Variants in CARD8 observed in about 807,000 individuals in gnomAD.
CARD8 encodes caspase recruitment domain-containing protein 8.
A neutral mutation model predicts 53.2 loss-of-function variants in CARD8; 38 were observed. That is an observed-to-expected ratio of 0.71 (90% CI 0.55 to 0.94). The LOEUF is 0.94. CARD8 is among the 40% of genes least tolerant of loss of function. The pLI is 0.00. For synonymous variants in CARD8, 245 were observed against 244.9 expected, an observed-to-expected ratio of 1.00 and a Z score of 0.00; for missense variants, 561 against 655.5, an observed-to-expected ratio of 0.86 and a Z score of 1.57.
intron 6 of CARD8, chr19:48,232,987 G>A (rs2043190261): frequency 8.4e-6 from 3 of 355,444 alleles, no homozygotes; most frequent in Admixed American, 3.9e-5. Context: ...TACGATGTCG[G>A]AATCAAAGAC....
At chr19:48,222,002 A>G in intron 10 of CARD8, 147 bp from the exon 11 acceptor site, 2 of 522,366 alleles carry the variant, frequency 3.8e-6, no homozygotes, top group Non-Finnish European at 6.5e-6. Context: ...TGATATAAAG[A>G]TTGTGATAGG....
intron 3 of CARD8, among the ~76,000 whole-genome samples, chr19:48,241,590 T>C (rs2045111479): frequency 6.6e-6 from 1 of 152,184 alleles, no homozygotes; most frequent in Non-Finnish European, 1.5e-5. Context: ...GATGTGGCCC[T>C]GGGTCTGCAA....
chr19:48,217,217 G>A (rs547182850), intron 12 of CARD8, among the ~76,000 whole-genome samples: 1 of 152,294 alleles, frequency 6.6e-6, no homozygotes, highest in East Asian at 1.9e-4. Flanking sequence ...GTGCAACCCG[G>A]TTTCTAACGG....
At chr19:48,255,662 A>G (rs1399795509) in intron 1 of CARD8, 130 bp downstream of exon 1, 1 of 152,206 alleles carries the variant, frequency 6.6e-6, no homozygotes, top group Non-Finnish European at 1.5e-5. Flanking sequence ...TGACACGCTC[A>G]TATGAACTTC....
intron 13 of CARD8, among the ~76,000 whole-genome samples, chr19:48,214,000 C>T (rs2038630815): frequency 6.6e-6 from 1 of 152,198 alleles, no homozygotes. Flanking sequence ...TAATTCACAG[C>T]CATATCAAAC....
chr19:48,213,797 C>T (rs2038576891), intron 13 of CARD8, among the ~76,000 whole-genome samples: 1 of 152,232 alleles, frequency 6.6e-6, no homozygotes, highest in Admixed American at 6.5e-5. Flanking sequence ...TTCCCCACTT[C>T]CTATTCATTC....
intron 10 of CARD8, among the ~76,000 whole-genome samples, chr19:48,225,170 G>C (rs764942635): frequency 2.0e-5 from 3 of 152,096 alleles, no homozygotes; most frequent in Non-Finnish European, 4.4e-5. Context: ...ACAACAGAGG[G>C]AAAGAAGAGG....
At chr19:48,252,198 C>T (rs1044360097) in intron 1 of CARD8, among the ~76,000 whole-genome samples, 7 of 152,088 alleles carry the variant, frequency 4.6e-5, no homozygotes, top group African/African-American at 1.7e-4. Context: ...GCTGGGAAGT[C>T]TCCATGATGA....
At chr19:48,220,763 C>T (rs1158030521) in intron 11 of CARD8, among the ~76,000 whole-genome samples, 3 of 151,872 alleles carry the variant, frequency 2.0e-5, no homozygotes, top group Admixed American at 2.0e-4. Flanking sequence ...AATAAAAAAT[C>T]AGCCGGGAGT....
chr19:48,215,451 G>T, intron 12 of CARD8, 67 bp from the exon 13 acceptor site: 1 of 1,075,200 alleles, frequency 9.3e-7, no homozygotes, highest in Non-Finnish European at 1.4e-6. Flanking sequence ...AGCTTTTCTA[G>T]TCTTTGATGC....
chr19:48,235,116 T>C (rs2043641743), intron 5 of CARD8, among the ~76,000 whole-genome samples: 1 of 152,164 alleles, frequency 6.6e-6, no homozygotes, highest in Non-Finnish European at 1.5e-5. Flanking sequence ...TTATGGATAT[T>C]GTACACACTT....
chr19:48,212,190 G>C (rs1371497425), intron 13 of CARD8, among the ~76,000 whole-genome samples: 1 of 152,188 alleles, frequency 6.6e-6, no homozygotes, highest in Non-Finnish European at 1.5e-5. Context: ...ATCTTCCTCA[G>C]TCCTACTCCT....
At chr19:48,206,757 C>T (rs147491342), downstream of CARD8, among the ~76,000 whole-genome samples, 98 of 152,228 alleles carry the variant, frequency 6.4e-4, 1 homozygote, top group South Asian at 1.5e-3. Flanking sequence ...TTCGTTACTC[C>T]GCTCTTTTGT....
At chr19:48,238,837 C>A (rs377379358) in intron 4 of CARD8, among the ~76,000 whole-genome samples, 2 of 152,220 alleles carry the variant, frequency 1.3e-5, no homozygotes, top group Non-Finnish European at 2.9e-5. Flanking sequence ...CTTAGAGACA[C>A]CTTCTTCGAT....
In CARD8 at chr19:48,211,465, C is replaced by G. The variant is rs1015558626; in HGVS notation, c.*245G>C. 1 of 462,004 alleles carries G rather than the reference C, an allele frequency of 2.2e-6. No individual in the cohort carries two copies. Among genetic ancestry groups the G allele is most frequent in the Admixed American group, 3.8e-5 (1 of 26,396 alleles). 28.6% of individuals were successfully genotyped at this position (462,004 alleles called of 1,614,324 possible). A position where few individuals can be genotyped will look rare whatever the true frequency, so the allele number is the denominator to read the frequency against. ...GTCAATGGATAAAATAGTGATATAT[C>G]AAGCAATGGTTGGAAAAAATTTAAA... On this transcript the variant is annotated 3_prime_UTR_variant, in exon 14 of 14. Transcript: ENST00000651546.
chr19:48,226,957 G>A (rs993107440), intron 10 of CARD8, among the ~76,000 whole-genome samples: 5 of 151,870 alleles, frequency 3.3e-5, no homozygotes, highest in African/African-American at 9.7e-5. Context: ...AAATAGCTGG[G>A]CGTGGTGGCA....
At chr19:48,215,081 C>T (rs1347773936) in intron 13 of CARD8, 2 of 340,090 alleles carry the variant, frequency 5.9e-6, no homozygotes, top group South Asian at 2.9e-5. Context: ...TGAGCCACTG[C>T]GCCTGGCCTC....
At chr19:48,205,737 C>T (rs1317294072), downstream of CARD8, among the ~76,000 whole-genome samples, 2 of 152,028 alleles carry the variant, frequency 1.3e-5, no homozygotes, top group African/African-American at 4.8e-5. Context: ...CACAATCGGG[C>T]CCCAGAGTCT....
At chr19:48,249,013 A>T (rs919842258) in intron 3 of CARD8, among the ~76,000 whole-genome samples, 2 of 152,210 alleles carry the variant, frequency 1.3e-5, no homozygotes, top group Non-Finnish European at 2.9e-5. Context: ...GACTGGCAAC[A>T]TAGTGAAACT....
Sources: allele counts gnomAD v4.1 joint callset (sites outside exome capture counted in the v4.1 genomes callset), GRCh38; gene constraint gnomAD v4.1.1; transcripts MANE v1.5; gene names NCBI Gene and HGNC (gene_info 2026-07-23, HGNC 2026-07-21).